Variants in PANK1 observed in about 807,000 individuals in gnomAD.
PANK1 encodes the protein pantothenate kinase 1.
A neutral mutation model predicts 40.1 loss-of-function variants in PANK1; 18 were observed. The ratio of observed to expected loss-of-function variants is 0.45; its 90% CI spans 0.31 to 0.67. The LOEUF (loss-of-function observed/expected upper bound fraction) is 0.67, where lower values mean the gene tolerates loss of function less well. PANK1 is among the 30% of genes least tolerant of loss of function. The pLI, the probability that PANK1 is intolerant of heterozygous loss-of-function variation, is 0.06. For synonymous variants in PANK1, 242 were observed against 237.7 expected (o/e 1.02, Z -0.17); for missense variants, 457 against 599.6 (o/e 0.76, Z 2.48).
chr10:89,615,602 C>T (rs1016722082), intron 1 of PANK1, among the ~76,000 whole-genome samples: 1 of 152,098 alleles, frequency 6.6e-6, no homozygotes, highest in Non-Finnish European at 1.5e-5. Flanking sequence ...GGGGTTTCAC[C>T]ACGTTGCCCA....
intron 1 of PANK1, among the ~76,000 whole-genome samples, chr10:89,619,451 G>C (rs538668733): frequency 1.3e-5 from 2 of 152,312 alleles, no homozygotes; most frequent in Non-Finnish European, 2.9e-5. Context: ...CATGGCATGA[G>C]AAAATCAACC....
chr10:89,606,470 A>G (rs914536949), intron 2 of PANK1, among the ~76,000 whole-genome samples: 3 of 152,218 alleles, frequency 2.0e-5, no homozygotes, highest in African/African-American at 7.2e-5. Context: ...TGTTATGGAC[A>G]TGGCTTCTTT....
In PANK1 at chr10:89,644,823, G is replaced by T; in HGVS notation, c.69C>A (p.Ser23Arg). The change falls in exon 1 of 7, where the codon AGC becomes AGA. Residue 23 changes from serine to arginine, a missense_variant. Physicochemically the swap from Ser to Arg is moderately radical, Grantham distance 110. Around this residue, in one of 4 missense-constraint regions of PANK1, gnomAD observed 144 missense variants for 131.2 expected, o/e 1.10. Coordinates refer to ENST00000307534, the MANE Select transcript of PANK1 (RefSeq NM_148977.3). ...GCAGCAGCCCGTTCACAGCGGCGGC[G>T]CTGGTGCCCACGGGGGCCCCTGGAG... is the stretch of plus-strand genomic sequence containing the variant. ...PHSPGAPVGT[S>R]AAAVNGLLHN... The T allele has an allele frequency of 6.9e-7, 1 of 1,455,426 alleles. No individual in the cohort carries two copies. The highest frequency in any genetic ancestry group is 2.4e-4 in the Middle Eastern group (1 of 4,168). 90.2% of individuals were successfully genotyped at this position (1,455,426 alleles called of 1,614,324 possible).
At chr10:89,599,553 A>G in intron 2 of PANK1, 48 bp from the exon 3 acceptor site, 1 of 1,565,522 alleles carries the variant, frequency 6.4e-7, no homozygotes, top group Middle Eastern at 1.7e-4. Context: ...ATAGGCGACC[A>G]TCTAAGGGGA....
chr10:89,605,903 T>G (rs1234284199), intron 2 of PANK1, among the ~76,000 whole-genome samples: 1 of 152,222 alleles, frequency 6.6e-6, no homozygotes, highest in East Asian at 1.9e-4. Context: ...TTCCTTGATT[T>G]ATGGGCTGCA....
At chr10:89,643,319 A>C (rs1003548314) in intron 1 of PANK1, among the ~76,000 whole-genome samples, 1 of 152,258 alleles carries the variant, frequency 6.6e-6, no homozygotes, top group Non-Finnish European at 1.5e-5. Flanking sequence ...ATTTTCTAAC[A>C]AGTATCAAAA....
chr10:89,582,147 G>A (rs1210340182), downstream of PANK1: 1 of 152,190 alleles, frequency 6.6e-6, no homozygotes, highest in Non-Finnish European at 1.5e-5. Flanking sequence ...CTATGGTTTA[G>A]AAAGAGGCTT....
chr10:89,623,032 G>C (rs1413224909), intron 1 of PANK1, among the ~76,000 whole-genome samples: 1 of 152,024 alleles, frequency 6.6e-6, no homozygotes, highest in Non-Finnish European at 1.5e-5. Context: ...TCTATCGTTA[G>C]GTGAAAAGGG....
chr10:89,605,277 G>A (rs1844927068), intron 2 of PANK1, among the ~76,000 whole-genome samples: 2 of 152,088 alleles, frequency 1.3e-5, no homozygotes, highest in Admixed American at 1.3e-4. Context: ...TGCCGCATTG[G>A]TTGACTCTTC....
At chr10:89,621,654 G>A (rs891662011) in intron 1 of PANK1, among the ~76,000 whole-genome samples, 4 of 152,134 alleles carry the variant, frequency 2.6e-5, no homozygotes, top group Non-Finnish European at 4.4e-5. Context: ...TTACAACCGA[G>A]AATGTCCCAA....
chr10:89,586,698 T>C (rs1331354915), intron 6 of PANK1, among the ~76,000 whole-genome samples: 1 of 152,258 alleles, frequency 6.6e-6, no homozygotes, highest in Non-Finnish European at 1.5e-5. Flanking sequence ...TCAATGTTTT[T>C]CTGCTGCAGT....
At chr10:89,634,701 A>G (rs1841751765) in intron 1 of PANK1, among the ~76,000 whole-genome samples, 1 of 152,176 alleles carries the variant, frequency 6.6e-6, no homozygotes, top group Non-Finnish European at 1.5e-5. Flanking sequence ...GCCTCACTCA[A>G]GGGCTGAGAT....
At chr10:89,641,047 G>A (rs967997158) in intron 1 of PANK1, among the ~76,000 whole-genome samples, 1 of 152,108 alleles carries the variant, frequency 6.6e-6, no homozygotes, top group Admixed American at 6.5e-5. Flanking sequence ...TAGCTTAATT[G>A]ACAAACTTGG....
At chr10:89,644,309 A>C (rs1683235615) in intron 1 of PANK1, among the ~76,000 whole-genome samples, 1 of 152,194 alleles carries the variant, frequency 6.6e-6, no homozygotes. Context: ...AGAAGGGCGG[A>C]CAGAGCGTTC....
chr10:89,611,637 G>T, intron 2 of PANK1, 59 bp downstream of exon 2: 1 of 1,232,168 alleles, frequency 8.1e-7, no homozygotes, highest in Non-Finnish European at 1.2e-6. Flanking sequence ...GGTATGAGTG[G>T]CCATGATTAT....
At chr10:89,640,917 C>T (rs1027892217) in intron 1 of PANK1, among the ~76,000 whole-genome samples, 2 of 152,214 alleles carry the variant, frequency 1.3e-5, no homozygotes, top group South Asian at 2.1e-4. Flanking sequence ...ACTTACTGGT[C>T]TTTTGGAGGA....
chr10:89,601,168 T>C (rs2133945303), intron 2 of PANK1, among the ~76,000 whole-genome samples: 1 of 152,058 alleles, frequency 6.6e-6, no homozygotes, highest in East Asian at 1.9e-4. Flanking sequence ...ATTATCTTCA[T>C]TATAAAAGTT....
intron 2 of PANK1, among the ~76,000 whole-genome samples, chr10:89,609,983 A>G (rs4934489): frequency 0.78 from 118,685 of 152,150 alleles, 46,668 homozygotes; most frequent in South Asian, 0.89. Context: ...CAGATAGGGC[A>G]TCCTTGAGGG....
chr10:89,588,828 T>G (rs751469967), intron 5 of PANK1, 51 bp from the exon 6 acceptor site: 2 of 1,404,776 alleles, frequency 1.4e-6, no homozygotes, highest in South Asian at 2.7e-5. Context: ...AAAATAGCAT[T>G]TGGCAAAGAC....
Sources: allele counts gnomAD v4.1 joint callset (sites outside exome capture counted in the v4.1 genomes callset), GRCh38; gene constraint gnomAD v4.1.1; regional missense constraint gnomAD v4.1.1; transcripts MANE v1.5; gene names NCBI Gene and HGNC (gene_info 2026-07-23, HGNC 2026-07-21).